DLGAP2: variants seen among roughly 807,000 people sequenced by gnomAD.
DLGAP2 encodes the protein disks large-associated protein 2.
A neutral mutation model predicts 100.3 loss-of-function variants in DLGAP2; 26 were observed. The observed-to-expected ratio is 0.26, with a 90% CI of 0.19 to 0.36. The LOEUF (loss-of-function observed/expected upper bound fraction) is 0.36. Among genes scored for constraint, DLGAP2 ranks in the 10% least tolerant of loss-of-function variants. The probability of loss-of-function intolerance (pLI) is 1.00; values close to 1 mark genes in which losing one functional copy is unlikely to be tolerated. For synonymous variants in DLGAP2, 886 were observed against 630.1 expected (o/e 1.41, Z -6.08); for missense variants, 1,858 against 1,453.2 (o/e 1.28, Z -4.53).
At chr8:1,131,174 T>C (rs1796285735) in intron 2 of DLGAP2, among the ~76,000 whole-genome samples, 1 of 152,212 alleles carries the variant, frequency 6.6e-6, no homozygotes, top group Non-Finnish European at 1.5e-5. Context: ...ATCTTTCAGC[T>C]GCTTTTCCCA....
intron 6 of DLGAP2, among the ~76,000 whole-genome samples, chr8:1,609,040 C>T (rs978229206): frequency 2.5e-4 from 36 of 146,686 alleles, no homozygotes; most frequent in Admixed American, 1.2e-3. Context: ...ATACAGAGAA[C>T]GCCACAAAGA....
intron 1 of DLGAP2, among the ~76,000 whole-genome samples, chr8:768,132 A>G (rs1312513048): frequency 6.6e-6 from 1 of 152,032 alleles, no homozygotes; most frequent in Non-Finnish European, 1.5e-5. Context: ...CCCCTCACTC[A>G]TTGTCCAGTT....
chr8:1,167,813 G>A (rs1325815888), intron 2 of DLGAP2, among the ~76,000 whole-genome samples: 1 of 150,654 alleles, frequency 6.6e-6, no homozygotes, highest in African/African-American at 2.4e-5. Flanking sequence ...AAAGTACCTG[G>A]TTGAGGTCCT....
At chr8:915,105 A>G (rs139153369) in intron 2 of DLGAP2, among the ~76,000 whole-genome samples, 155 of 152,264 alleles carry the variant, frequency 1.0e-3, no homozygotes, top group African/African-American at 3.3e-3. Flanking sequence ...GTTCGGGCAA[A>G]GCCTCCCATT....
At chr8:1,563,602 C>T (rs887268816) in intron 5 of DLGAP2, among the ~76,000 whole-genome samples, 1 of 151,990 alleles carries the variant, frequency 6.6e-6, no homozygotes, top group African/African-American at 2.4e-5. Flanking sequence ...CCTTGCCACA[C>T]GGGGTCCATG....
At chr8:1,337,139 G>A (rs914779842) in intron 3 of DLGAP2, among the ~76,000 whole-genome samples, 5 of 150,730 alleles carry the variant, frequency 3.3e-5, no homozygotes, top group South Asian at 4.2e-4. Flanking sequence ...GATGATAATG[G>A]TGGTGAGAAT....
chr8:1,187,584 C>T (rs543286599), intron 2 of DLGAP2, among the ~76,000 whole-genome samples: 12 of 148,346 alleles, frequency 8.1e-5, no homozygotes, highest in African/African-American at 3.0e-4. Context: ...ACGCCCGGGA[C>T]CTCCGTGACG....
At position 915,073 on chromosome 8, in the gene DLGAP2, G is replaced by A. The variant is rs557445922; in HGVS notation, c.73+7107G>A. Among the ~76,000 whole-genome samples the A allele has an allele frequency of 1.3e-4, 20 of 152,312 alleles. No individual in the cohort carries two copies. In the South Asian group the frequency reaches 3.5e-3, roughly 27 times the overall value. ...CACAGGTTCCTGTGAGAGGGTCTAC[G>A]CCAGGTCCTTAGAGAAGGATGGTTC... On this transcript the variant is annotated intron_variant, in intron 2 of 14. Transcript: ENST00000637795.
intron 1 of DLGAP2, among the ~76,000 whole-genome samples, chr8:856,371 A>G (rs1038523881): frequency 1.3e-5 from 2 of 151,994 alleles, no homozygotes; most frequent in Non-Finnish European, 2.9e-5. Context: ...TATTTTTGGT[A>G]GAGATGGGAT....
chr8:1,194,146 C>T (rs781367184), intron 2 of DLGAP2, among the ~76,000 whole-genome samples: 2 of 152,074 alleles, frequency 1.3e-5, no homozygotes, highest in Non-Finnish European at 2.9e-5. Context: ...GACACAGTCC[C>T]TACCCTTGAG....
At chr8:1,348,857 C>T (rs965683531) in intron 3 of DLGAP2, among the ~76,000 whole-genome samples, 1 of 152,228 alleles carries the variant, frequency 6.6e-6, no homozygotes, top group Non-Finnish European at 1.5e-5. Flanking sequence ...GCTGCTTCCC[C>T]ATCCATGTCC....
intron 2 of DLGAP2, among the ~76,000 whole-genome samples, chr8:1,232,509 T>C (rs1360011728): frequency 1.3e-5 from 2 of 152,216 alleles, no homozygotes; most frequent in Non-Finnish European, 2.9e-5. Context: ...GTCAACTCCT[T>C]TCCTCTTGCA....
intron 1 of DLGAP2, among the ~76,000 whole-genome samples, chr8:862,505 T>C (rs1797412476): frequency 1.3e-5 from 2 of 152,098 alleles, no homozygotes; most frequent in South Asian, 4.1e-4. Flanking sequence ...GATTTTGCCA[T>C]GTTGGCTAGG....
At chr8:946,457 G>GT (rs765901496) in intron 2 of DLGAP2, among the ~76,000 whole-genome samples, 1 of 151,830 alleles carries the variant, frequency 6.6e-6, no homozygotes. Context: ...TAGAGACGGG[G>GT]TTTCACCATA....
intron 2 of DLGAP2, among the ~76,000 whole-genome samples, chr8:1,191,271 G>T (rs545126129): frequency 4.0e-5 from 6 of 149,352 alleles, no homozygotes; most frequent in Admixed American, 2.0e-4. Context: ...CCCGGGTTCA[G>T]GCCATTCTCC....
intron 6 of DLGAP2, among the ~76,000 whole-genome samples, chr8:1,570,984 C>G (rs1468353584): frequency 8.3e-6 from 1 of 120,240 alleles, no homozygotes; most frequent in Non-Finnish European, 1.7e-5. Flanking sequence ...TGTGGGGCGT[C>G]TGATGAGATG....
chr8:1,116,096 G>A (rs1805108532), intron 2 of DLGAP2, among the ~76,000 whole-genome samples: 2 of 152,152 alleles, frequency 1.3e-5, no homozygotes, highest in Non-Finnish European at 2.9e-5. Context: ...GTGTGGGCCT[G>A]GTGGGTGTCT....
At chr8:923,386 G>A (rs565115814) in intron 2 of DLGAP2, among the ~76,000 whole-genome samples, 2 of 152,242 alleles carry the variant, frequency 1.3e-5, no homozygotes, top group African/African-American at 2.4e-5. Flanking sequence ...CCACTGCCTT[G>A]ATGGATTGTG....
chr8:1,455,648 C>T (rs1798291308), intron 3 of DLGAP2, among the ~76,000 whole-genome samples: 1 of 152,204 alleles, frequency 6.6e-6, no homozygotes, highest in Non-Finnish European at 1.5e-5. Context: ...AGGGCCAGTC[C>T]CACTGCCAGG....
Sources: allele counts gnomAD v4.1 joint callset (sites outside exome capture counted in the v4.1 genomes callset), GRCh38; gene constraint gnomAD v4.1.1; transcripts MANE v1.5; gene names NCBI Gene and HGNC (gene_info 2026-07-23, HGNC 2026-07-21).